Variants in FGFRL1 observed in about 807,000 individuals in gnomAD.
FGFRL1 encodes the protein fibroblast growth factor receptor like 1.
In FGFRL1, 24 loss-of-function variants were observed where a neutral mutation model predicts 36.8. That is an observed-to-expected ratio of 0.65 (90% CI 0.47 to 0.92). FGFRL1 has a LOEUF of 0.92. FGFRL1 is among the 40% of genes least tolerant of loss of function. The pLI, the probability that FGFRL1 is intolerant of heterozygous loss-of-function variation, is 0.00. For missense variants in FGFRL1, 785 were observed against 753.4 expected (o/e 1.04, Z -0.49); for synonymous variants, 422 against 344.1 (o/e 1.23, Z -2.50).
chr4:1,023,889 G>T lies in FGFRL1; in HGVS notation c.506G>T (p.Arg169Leu). The change falls in exon 5 of 7, where the codon CGG becomes CTG. Residue 169 changes from arginine (R) to leucine (L), a missense_variant. Physicochemically the swap from Arg to Leu is moderately radical, Grantham distance 102 (BLOSUM62 -2). Transcript: ENST00000510644. This position sits in a 1 kb window ranked among gnomAD's most constrained non-coding sequence, Gnocchi z 6.0. ...VIARPVGSSV[R>L]LKCVASGHPR... ...GCACGGCCCGTGGGTAGCTCCGTGC[G>T]GCTCAAGTGCGTGGCCAGCGGGCAC... 1 of 1,581,562 alleles carries T rather than the reference G, an allele frequency of 6.3e-7. No individual in the cohort carries two copies. Among genetic ancestry groups the T allele is most frequent in the Middle Eastern group, 1.7e-4 (1 of 6,030 alleles).
intron 6 of FGFRL1, 44 bp downstream of exon 6, chr4:1,024,708 C>G: frequency 1.9e-6 from 3 of 1,540,148 alleles, no homozygotes; most frequent in Non-Finnish European, 2.6e-6. Context: ...GGTGCCCGGA[C>G]CCGCCCCCTG....
chr4:1,012,354 G>T lies in FGFRL1; in HGVS notation c.-16-116G>T, dbSNP rs966261827. ...CTGCGGCTTCCTCCGCCTGGAGCGC[G>T]GGCGGGGAGGGCCTGTGGGGAGGGC... is the stretch of plus-strand genomic sequence containing the variant. On this transcript the variant is annotated intron_variant, in intron 1 of 6. Transcript: ENST00000510644. 2.5e-6 allele frequency: 3 copies of T among 1,181,490 alleles called. No homozygotes were observed. The African/African-American group carries it at 4.8e-5, about 19-fold the overall frequency. The allele number at this position is 1,181,490 out of a possible 1,614,324, so 73.2% of individuals were successfully genotyped here.
chr4:1,019,139 C>A (rs1317299488), intron 2 of FGFRL1, among the ~76,000 whole-genome samples: 1 of 152,252 alleles, frequency 6.6e-6, no homozygotes, highest in Non-Finnish European at 1.5e-5. Context: ...GGGACCCTTA[C>A]CTCACCAAGC....
At chr4:1,021,672 C>T (rs553379542) in intron 2 of FGFRL1, among the ~76,000 whole-genome samples, 34 of 152,160 alleles carry the variant, frequency 2.2e-4, no homozygotes, top group Non-Finnish European at 4.1e-4. Context: ...GGCCCATGCC[C>T]AGGCCCGGCT....
rs1398181906 is a variant in FGFRL1 at position 1,020,422 on chromosome 4, C to T, written c.80-1781C>T. Reference sequence around the variant, plus strand: ...GGAGCAGCACGTGGGGAGTGGGGCACGCAGGGCCCTCCTTTCCCAGGAGCT... The same window carrying T: ...GGAGCAGCACGTGGGGAGTGGGGCATGCAGGGCCCTCCTTTCCCAGGAGCT... On this transcript the variant is annotated intron_variant, in intron 2 of 6. Transcript: ENST00000510644. Among the ~76,000 whole-genome samples, 5 of 151,878 alleles carry T rather than the reference C, an allele frequency of 3.3e-5. No individual in the cohort carries two copies. In the South Asian group the frequency reaches 8.3e-4, roughly 25 times the overall value.
intron 2 of FGFRL1, among the ~76,000 whole-genome samples, chr4:1,012,859 C>T (rs1019074118): frequency 1.3e-5 from 2 of 152,258 alleles, no homozygotes; most frequent in Admixed American, 6.5e-5. Flanking sequence ...CTTTCATACT[C>T]GTACCTGCAG....
intron 2 of FGFRL1, among the ~76,000 whole-genome samples, chr4:1,015,461 G>A (rs62294525): frequency 0.033 from 5,035 of 152,296 alleles, 135 homozygotes; most frequent in East Asian, 0.12. Context: ...AGGATGGCTG[G>A]GGCAGGGGTG....
At position 1,023,191 on chromosome 4, in the gene FGFRL1, C is replaced by T. The variant is rs1377217102; in HGVS notation, c.353-450C>T. Among the ~76,000 whole-genome samples, 1 of 152,174 alleles carries T rather than the reference C, an allele frequency of 6.6e-6. No homozygotes were observed. The highest frequency in any genetic ancestry group is 1.5e-5 in the Non-Finnish European group (1 of 67,996). On this transcript the variant is annotated intron_variant, in intron 3 of 6. Coordinates refer to ENST00000510644, the MANE Select transcript of FGFRL1 (RefSeq NM_001004356.3). This position sits in a 1 kb window ranked among gnomAD's most constrained non-coding sequence, Gnocchi z 6.0. ...ATGGAGGGGACATTCCACAGCACGCCCTGCCCCTCGGCATTGTGTGGAATG... is the reference window on the plus strand; with the variant it reads ...ATGGAGGGGACATTCCACAGCACGCTCTGCCCCTCGGCATTGTGTGGAATG...
chr4:1,025,137 G>A lies in FGFRL1; in HGVS notation c.1305G>A (p.Leu435=). ...DRSGDKDLPS[L]AALSAGPGVG... ...GCGGAGACAAGGACCTTCCCTCGTT[G>A]GCCGCCCTCAGCGCTGGCCCTGGTG... Residue 435 remains leucine (L), a synonymous_variant, in exon 7 of 7, where the codon TTG becomes TTA. Transcript: ENST00000510644. The A allele has an allele frequency of 3.7e-6, 6 of 1,611,118 alleles. No homozygotes were observed. The highest frequency in any genetic ancestry group is 5.1e-6 in the Non-Finnish European group (6 of 1,179,314).
At chr4:1,022,920 C>T (rs747046113) in intron 3 of FGFRL1, among the ~76,000 whole-genome samples, 42 of 152,176 alleles carry the variant, frequency 2.8e-4, no homozygotes, top group Non-Finnish European at 5.3e-4. Flanking sequence ...GAGACACGCC[C>T]TCCATACCTA....
In FGFRL1 at chr4:1,025,221, C is replaced by T. The variant is rs1181692498; in HGVS notation, c.1389C>T (p.Gly463=). The T allele has an allele frequency of 1.9e-6, 3 of 1,609,538 alleles. No homozygotes were observed. Among genetic ancestry groups the T allele is most frequent in the Non-Finnish European group, 2.5e-6 (3 of 1,178,572 alleles). ...PAAPQHLLGP[G]PVAGPKLYPK... ...CCCCCCAGCACTTACTGGGCCCAGG[C>T]CCAGTTGCTGGCCCTAAGTTGTACC... The change falls in exon 7 of 7, where the codon GGC becomes GGT. Residue 463 remains glycine (G), a synonymous_variant. Transcript: ENST00000510644.
rs1396278698 is a variant in FGFRL1 at position 1,011,748 on chromosome 4, C to G, written c.-223C>G. 4 of 140,696 alleles carry G rather than the reference C, an allele frequency of 2.8e-5. No individual in the cohort carries two copies. Among genetic ancestry groups the G allele is most frequent in the South Asian group, 1.9e-4 (1 of 5,202 alleles). The allele number at this position is 140,696 out of a possible 1,614,324, so 8.7% of individuals were successfully genotyped here. A position where few individuals can be genotyped will look rare whatever the true frequency, so the allele number is the denominator to read the frequency against. On this transcript the variant is annotated 5_prime_UTR_variant, in exon 1 of 7. Coordinates refer to ENST00000510644, the MANE Select transcript of FGFRL1 (RefSeq NM_001004356.3). Reference sequence around the variant, plus strand: ...CGCGGACTCGCCCCCGCCGCCTGCCCGGTCCGGGACCCCGCGCCCCGAGCG... The same window carrying G: ...CGCGGACTCGCCCCCGCCGCCTGCCGGGTCCGGGACCCCGCGCCCCGAGCG...
chr4:1,016,315 C>T (rs1435742320), intron 2 of FGFRL1, among the ~76,000 whole-genome samples: 2 of 144,586 alleles, frequency 1.4e-5, no homozygotes, highest in African/African-American at 5.2e-5. Context: ...CAGGGGAGGC[C>T]TGGGGACTGC....
intron 3 of FGFRL1, 149 bp downstream of exon 3, chr4:1,022,624 G>T (rs902846076): frequency 9.9e-7 from 1 of 1,007,950 alleles, no homozygotes; most frequent in Non-Finnish European, 1.4e-6. Flanking sequence ...ACCTCAGCTG[G>T]CTGCACCTCT....
chr4:1,010,487 C>A (rs1322555199), upstream of FGFRL1, among the ~76,000 whole-genome samples: 1 of 152,234 alleles, frequency 6.6e-6, no homozygotes, highest in African/African-American at 2.4e-5. Context: ...TAGCTCTCCT[C>A]GGCCTGGGGA....
In FGFRL1 at chr4:1,011,943, C is replaced by CA. The variant is rs1196682699; in HGVS notation, c.-28_-27insA. Reference sequence around the variant, plus strand: ...CTGACCCCGCCGCCCGCCCGCTGAGCCCCCCGCCGAGGTGAGCCCCCCGCG... The same window carrying CA: ...CTGACCCCGCCGCCCGCCCGCTGAGCACCCCCGCCGAGGTGAGCCCCCCGCG... On this transcript the variant is annotated 5_prime_UTR_variant, in exon 1 of 7. Transcript: ENST00000510644. 1.4e-5 allele frequency: 2 copies of CA among 145,356 alleles called. No individual in the cohort carries two copies. Among genetic ancestry groups the CA allele is most frequent in the African/African-American group, 5.0e-5 (2 of 40,234 alleles). 9.0% of individuals were successfully genotyped at this position (145,356 alleles called of 1,614,324 possible).
At chr4:1,016,786 C>T (rs1368464511) in intron 2 of FGFRL1, among the ~76,000 whole-genome samples, 1 of 152,172 alleles carries the variant, frequency 6.6e-6, no homozygotes. Context: ...CAGAGCCTGG[C>T]CCTGGCACCT....
chr4:1,023,035 C>T lies in FGFRL1; in HGVS notation c.352+560C>T. ...CGTTTCTTTTTTTTTTTTAATTCTA[C>T]TTTAAGTTTTAGGGTACATGTGCCC... On this transcript the variant is annotated intron_variant, in intron 3 of 6. Transcript: ENST00000510644. This position sits in a 1 kb window ranked among gnomAD's most constrained non-coding sequence, Gnocchi z 6.0. Among the ~76,000 whole-genome samples the T allele has an allele frequency of 6.6e-6, 1 of 151,088 alleles. No individual in the cohort carries two copies.
In FGFRL1 at chr4:1,024,727, G is replaced by C. The variant is rs544775993; in HGVS notation, c.1072+63G>C. Reference sequence around the variant, plus strand: ...CCCGGACCCGCCCCCTGGGCCCGGCGTCCCACCCACCGGGTGGGGCCCCAC... The same window carrying C: ...CCCGGACCCGCCCCCTGGGCCCGGCCTCCCACCCACCGGGTGGGGCCCCAC... On this transcript the variant is annotated intron_variant, in intron 6 of 6. Coordinates refer to ENST00000510644, the MANE Select transcript of FGFRL1 (RefSeq NM_001004356.3). 44 of 1,501,678 alleles carry C rather than the reference G, an allele frequency of 2.9e-5. No homozygotes were observed. The South Asian group carries it at 4.9e-4, about 17-fold the overall frequency. 93.0% of individuals were successfully genotyped at this position (1,501,678 alleles called of 1,614,324 possible).
Sources: allele counts gnomAD v4.1 joint callset (sites outside exome capture counted in the v4.1 genomes callset), GRCh38; gene constraint gnomAD v4.1.1; non-coding constraint Gnocchi (gnomAD v3.1); transcripts MANE v1.5; gene names NCBI Gene and HGNC (gene_info 2026-07-23, HGNC 2026-07-21).